CFAP54: variants seen among roughly 807,000 people sequenced by gnomAD.
CFAP54 encodes cilia- and flagella-associated protein 54.
CFAP54 carries 290 observed loss-of-function variants against 370.4 expected under a neutral mutation model. That is an observed-to-expected ratio of 0.78 (90% CI 0.71 to 0.86). CFAP54 has a LOEUF of 0.86. Ranked by LOEUF, CFAP54 falls within the 40% of genes least tolerant of loss-of-function variation. The pLI is 0.00. For synonymous variants in CFAP54, 1,206 were observed against 1,236.5 expected, an observed-to-expected ratio of 0.98 and a Z score of 0.52; for missense variants, 3,399 against 3,528.7, an observed-to-expected ratio of 0.96 and a Z score of 0.93.
intron 19 of CFAP54, among the ~76,000 whole-genome samples, chr12:96,569,396 C>T (rs900579764): frequency 4.6e-5 from 7 of 152,154 alleles, no homozygotes; most frequent in Non-Finnish European, 7.4e-5. Context: ...GTTTTGTACA[C>T]CCTAATGTAG....
At chr12:96,834,216 G>A (rs1959179143) in intron 66 of CFAP54, among the ~76,000 whole-genome samples, 1 of 152,252 alleles carries the variant, frequency 6.6e-6, no homozygotes, top group African/African-American at 2.4e-5. Context: ...CAGCTAGAGA[G>A]AGACACAGTC....
chr12:96,504,720 C>T lies in CFAP54; in HGVS notation c.567+691C>T, dbSNP rs141672098. Among the ~76,000 whole-genome samples, 781 of 152,166 alleles carry T rather than the reference C, an allele frequency of 5.1e-3. 11 individuals carry two copies. The highest frequency in any genetic ancestry group is 0.018 in the African/African-American group (736 of 41,504). Reference sequence around the variant, plus strand: ...GAGGACTATTCAAGGGTTTGGGACCCGTATGTGGTTAATAAGCAGAAACTC... The same window carrying T: ...GAGGACTATTCAAGGGTTTGGGACCTGTATGTGGTTAATAAGCAGAAACTC... On this transcript the variant is annotated intron_variant, in intron 3 of 67. Coordinates refer to ENST00000524981, the MANE Select transcript of CFAP54 (RefSeq NM_001306084.2).
chr12:96,645,129 A>G (rs1292311059), intron 33 of CFAP54: 2 of 456,606 alleles, frequency 4.4e-6, no homozygotes, highest in Non-Finnish European at 8.8e-6. Context: ...TACTCACCCA[A>G]TGTCAATTTT....
At chr12:96,660,880 A>G (rs1490642893) in intron 38 of CFAP54, among the ~76,000 whole-genome samples, 1 of 152,186 alleles carries the variant, frequency 6.6e-6, no homozygotes, top group Non-Finnish European at 1.5e-5. Context: ...TTAATTTGCT[A>G]GAGTGGCTCA....
intron 24 of CFAP54, among the ~76,000 whole-genome samples, chr12:96,593,772 G>A (rs2136436602): frequency 6.6e-6 from 1 of 151,876 alleles, no homozygotes; most frequent in East Asian, 1.9e-4. Flanking sequence ...TTTTTAAGTG[G>A]CATTTACTCT....
chr12:96,571,285 C>T (rs1955914325), intron 19 of CFAP54, among the ~76,000 whole-genome samples: 1 of 152,296 alleles, frequency 6.6e-6, no homozygotes, highest in South Asian at 2.1e-4. Context: ...GAGAAATTTA[C>T]ATTCAGACAA....
At chr12:96,651,457 T>C (rs1592687894) in intron 35 of CFAP54, 131 bp from the exon 36 acceptor site, 3 of 712,540 alleles carry the variant, frequency 4.2e-6, no homozygotes, top group East Asian at 2.7e-5. Flanking sequence ...GTCTAACTCA[T>C]GTAAGTGACC....
chr12:96,803,261 C>T (rs572894075), intron 63 of CFAP54, among the ~76,000 whole-genome samples: 33 of 152,116 alleles, frequency 2.2e-4, no homozygotes, highest in Non-Finnish European at 4.0e-4. Flanking sequence ...ACACTGTCTT[C>T]CACAATAGTT....
chr12:96,855,792 A>G (rs117309711), intron 66 of CFAP54, among the ~76,000 whole-genome samples: 1,707 of 152,168 alleles, frequency 0.011, 81 homozygotes, highest in East Asian at 0.11. Context: ...CAGTGGATCT[A>G]CCCTTCTGGA....
chr12:96,683,162 A>C (rs1235790648), intron 40 of CFAP54, among the ~76,000 whole-genome samples: 1 of 152,246 alleles, frequency 6.6e-6, no homozygotes, highest in Non-Finnish European at 1.5e-5. Context: ...TAAATATAAA[A>C]ATAGGGGAGA....
Position 96,786,888 on chromosome 12 carries a change from C to G in CFAP54, c.8669C>G (p.Ser2890Ter). 6.5e-7 allele frequency: 1 copy of G among 1,529,164 alleles called. No individual in the cohort carries two copies. The highest frequency in any genetic ancestry group is 8.8e-7 in the Non-Finnish European group (1 of 1,142,700). The allele number at this position is 1,529,164 out of a possible 1,614,324, so 94.7% of individuals were successfully genotyped here. ...CTTTCAGAAAAAGACTTACGTGAATCATCTGCCAAGGTAACGTTTTTTGAA... is the reference window on the plus strand; with the variant it reads ...CTTTCAGAAAAAGACTTACGTGAATGATCTGCCAAGGTAACGTTTTTTGAA... ...PPLSEKDLRE[S>*]SAKLYRDSSV... Residue 2890 changes from serine to a stop codon, truncating the protein, a stop_gained, in exon 62 of 68, where the codon TCA becomes TGA. Coordinates refer to ENST00000524981, the MANE Select transcript of CFAP54 (RefSeq NM_001306084.2). LOFTEE classifies it high-confidence loss of function.
chr12:96,701,570 G>C (rs1374673222), intron 46 of CFAP54, among the ~76,000 whole-genome samples: 1 of 151,910 alleles, frequency 6.6e-6, no homozygotes, highest in Non-Finnish European at 1.5e-5. Context: ...GGGATGGAGA[G>C]TGACCAGGGC....
At chr12:96,639,731 A>G (rs1331977165) in intron 32 of CFAP54, among the ~76,000 whole-genome samples, 1 of 152,206 alleles carries the variant, frequency 6.6e-6, no homozygotes, top group Non-Finnish European at 1.5e-5. Flanking sequence ...CTTATCCACC[A>G]TGATCAAGTG....
At chr12:96,833,543 TGA>T (rs1491294853) in intron 66 of CFAP54, among the ~76,000 whole-genome samples, 20 of 147,472 alleles carry the variant, frequency 1.4e-4, no homozygotes, top group African/African-American at 4.8e-4. Flanking sequence ...TGTGTGTGTG[TGA>T]TTTGAATGAA....
chr12:96,503,043 T>TCTCC (rs1353732928), intron 2 of CFAP54, among the ~76,000 whole-genome samples: 15 of 141,484 alleles, frequency 1.1e-4, no homozygotes, highest in Non-Finnish European at 1.5e-5. Context: ...TTCCTTCCTC[T>TCTCC]CTCCCTCCCT....
chr12:96,735,599 A>C (rs1957971307), intron 50 of CFAP54, among the ~76,000 whole-genome samples: 1 of 152,254 alleles, frequency 6.6e-6, no homozygotes, highest in African/African-American at 2.4e-5. Flanking sequence ...ACAGATGTCA[A>C]AACTAATTCC....
chr12:96,848,341 C>T (rs200126253), intron 66 of CFAP54, among the ~76,000 whole-genome samples: 4 of 152,060 alleles, frequency 2.6e-5, no homozygotes, highest in Non-Finnish European at 5.9e-5. Flanking sequence ...TTCCAAAATG[C>T]GTTACAGGCG....
intron 26 of CFAP54, among the ~76,000 whole-genome samples, chr12:96,613,583 G>C (rs1956383209): frequency 6.6e-6 from 1 of 152,104 alleles, no homozygotes; most frequent in Non-Finnish European, 1.5e-5. Flanking sequence ...TCCAGGAGCT[G>C]GTTTTTTGAA....
chr12:96,507,075 C>T lies in CFAP54; in HGVS notation c.715C>T (p.His239Tyr). Reference sequence around the variant, plus strand: ...CATGCAAGTGGCTCTGCCACAAGAGCATCTTTGCTGGATTATCTTCAATGG... The same window carrying T: ...CATGCAAGTGGCTCTGCCACAAGAGTATCTTTGCTGGATTATCTTCAATGG... ...LIMQVALPQE[H>Y]LCWIIFNGTI... The change falls in exon 4 of 68, where the codon CAT (histidine) becomes TAT (tyrosine). Residue 239 changes from histidine (H) to tyrosine (Y), a missense_variant. This residue lies in a region of CFAP54 where 559 missense variants were observed against 576.7 expected (regional missense o/e 0.97). Coordinates refer to ENST00000524981, the MANE Select transcript of CFAP54 (RefSeq NM_001306084.2). 6.5e-7 allele frequency: 1 copy of T among 1,532,612 alleles called. No individual in the cohort carries two copies. 94.9% of individuals were successfully genotyped at this position (1,532,612 alleles called of 1,614,324 possible). A position where few individuals can be genotyped will look rare whatever the true frequency, so the allele number is the denominator to read the frequency against.
Sources: gnomAD v4.1 joint callset for allele counts (sites outside exome capture counted in the v4.1 genomes callset) on GRCh38, gnomAD v4.1.1 for gene constraint, gnomAD v4.1.1 regional missense constraint, MANE v1.5 for transcripts, NCBI Gene and HGNC (gene_info 2026-07-23, HGNC 2026-07-21) for gene names.